Variants in ADAMTSL1 observed in about 807,000 individuals in gnomAD.
ADAMTSL1 encodes ADAMTS-like protein 1.
A neutral mutation model predicts 201.8 loss-of-function variants in ADAMTSL1; 126 were observed. The ratio of observed to expected loss-of-function variants is 0.62; its 90% CI spans 0.54 to 0.72. The LOEUF (loss-of-function observed/expected upper bound fraction) is 0.72. ADAMTSL1 is among the 30% of genes least tolerant of loss of function. ADAMTSL1 has a pLI of 0.00. For missense variants in ADAMTSL1, 2,679 were observed against 2,277.8 expected (o/e 1.18, Z -3.59); for synonymous variants, 1,121 against 903.4 (o/e 1.24, Z -4.32).
chr9:18,359,248 T>A (rs905632815), intron 2 of ADAMTSL1, among the ~76,000 whole-genome samples: 2 of 152,288 alleles, frequency 1.3e-5, no homozygotes, highest in South Asian at 4.1e-4. Context: ...CTTCCCTCTA[T>A]CGGGGCCCTT....
At chr9:18,032,016 T>G (rs936533249) in intron 1 of ADAMTSL1, among the ~76,000 whole-genome samples, 11 of 152,216 alleles carry the variant, frequency 7.2e-5, no homozygotes, top group Non-Finnish European at 1.6e-4. Flanking sequence ...CTTTTCAGAC[T>G]GGGTCTCCTT....
chr9:18,820,628 A>G (rs934470), intron 21 of ADAMTSL1, among the ~76,000 whole-genome samples: 67,503 of 152,066 alleles, frequency 0.44, 15,460 homozygotes, highest in East Asian at 0.74. Context: ...TACCTAGACC[A>G]ACTCACATGT....
rs1165154617 is a variant in ADAMTSL1, at chr9:18,254,351, T to C, written c.207+90370T>C. Among the ~76,000 whole-genome samples the C allele has an allele frequency of 1.1e-4, 7 of 62,586 alleles. No individual in the cohort carries two copies. In the South Asian group the frequency reaches 4.7e-3, roughly 42 times the overall value. 41.1% of individuals were successfully genotyped at this position (62,586 alleles called of 152,430 possible). A position where few individuals can be genotyped will look rare whatever the true frequency, so the allele number is the denominator to read the frequency against. ...ACCGTCAATACTCTTTTTGGTTTTT[T>C]TTTTTTTTTTTTTTTTTTTTTTTTT... On this transcript the variant is annotated intron_variant, in intron 2 of 29. Transcript: ENST00000680146.
chr9:18,314,711 G>A (rs952224746), intron 2 of ADAMTSL1, among the ~76,000 whole-genome samples: 2 of 144,874 alleles, frequency 1.4e-5, no homozygotes, highest in Admixed American at 7.2e-5. Context: ...ATCTCGAAGA[G>A]CAAAAGAACA....
chr9:18,825,818 T>C (rs922528827), intron 21 of ADAMTSL1, among the ~76,000 whole-genome samples: 38 of 152,320 alleles, frequency 2.5e-4, no homozygotes, highest in African/African-American at 8.2e-4. Context: ...GTATGTACTC[T>C]TGTGTCTGCC....
At chr9:18,798,951 G>T (rs909599057) in intron 20 of ADAMTSL1, among the ~76,000 whole-genome samples, 1 of 152,094 alleles carries the variant, frequency 6.6e-6, no homozygotes, top group Non-Finnish European at 1.5e-5. Context: ...TGTGCCTTTT[G>T]CTCCTCTCTA....
At position 18,133,672 on chromosome 9, in the gene ADAMTSL1, C is replaced by CAA. The variant is rs1168021314; in HGVS notation, c.88-30190_88-30189insAA. 6.5e-3 allele frequency among the ~76,000 whole-genome samples: 986 copies of CAA among 152,216 alleles called. 7 individuals are homozygous for CAA. Among genetic ancestry groups the CAA allele is most frequent in the African/African-American group, 0.023 (936 of 41,532 alleles). On this transcript the variant is annotated intron_variant, in intron 1 of 29. Transcript: ENST00000680146. ...CAGGAACCTGCATTCACACCCAGGT[C>CAA]CCTATGGCTTCAGAACCCAAATTCT... is the stretch of plus-strand genomic sequence containing the variant.
At position 18,454,766 on chromosome 9, in the gene ADAMTSL1, T is replaced by C. The variant is rs901806113; in HGVS notation, c.208-50063T>C. On this transcript the variant is annotated intron_variant, in intron 2 of 29. Coordinates refer to the ADAMTSL1 transcript ENST00000680146. ...CTAATGTGAATTTAAATTTTTATTG[T>C]GTTTTGTAATATAATTATTTTATAT... 3.9e-5 allele frequency among the ~76,000 whole-genome samples: 6 copies of C among 152,356 alleles called. No homozygotes were observed. In the East Asian group the frequency reaches 1.2e-3, roughly 29 times the overall value.
intron 15 of ADAMTSL1, among the ~76,000 whole-genome samples, chr9:18,746,389 C>G (rs1223076777): frequency 6.6e-6 from 1 of 152,162 alleles, no homozygotes; most frequent in East Asian, 1.9e-4. Context: ...CTGTCCACCT[C>G]CCGACCTCAG....
At chr9:18,578,425 T>C (rs1822878105) in intron 4 of ADAMTSL1, among the ~76,000 whole-genome samples, 1 of 152,176 alleles carries the variant, frequency 6.6e-6, no homozygotes, top group Non-Finnish European at 1.5e-5. Flanking sequence ...CTCACTATCA[T>C]TCTAGACTAG....
At chr9:18,721,428 G>A in intron 14 of ADAMTSL1, 108 bp from the exon 15 acceptor site, 2 of 1,464,820 alleles carry the variant, frequency 1.4e-6, no homozygotes, top group South Asian at 2.7e-5. Context: ...TACAGCGAGA[G>A]TCCTACAGAA....
At chr9:18,186,039 G>C (rs1828717757) in intron 2 of ADAMTSL1, among the ~76,000 whole-genome samples, 1 of 152,168 alleles carries the variant, frequency 6.6e-6, no homozygotes, top group Non-Finnish European at 1.5e-5. Flanking sequence ...TTATAGAATA[G>C]TAAGTAAATA....
intron 20 of ADAMTSL1, among the ~76,000 whole-genome samples, chr9:18,807,371 G>A (rs988259683): frequency 3.3e-5 from 5 of 152,180 alleles, no homozygotes; most frequent in South Asian, 4.1e-4. Context: ...CAGGCCGGGC[G>A]CGGTAGCTCA....
chr9:18,620,064 T>C (rs943791137), intron 4 of ADAMTSL1, among the ~76,000 whole-genome samples: 12 of 145,114 alleles, frequency 8.3e-5, no homozygotes, highest in Non-Finnish European at 1.8e-4. Context: ...TTGCTTCCTC[T>C]CCAATTAGTT....
intron 4 of ADAMTSL1, among the ~76,000 whole-genome samples, chr9:18,580,604 C>T (rs1823035140): frequency 6.6e-6 from 1 of 152,124 alleles, no homozygotes; most frequent in Admixed American, 6.5e-5. Context: ...GTTTCTGAAT[C>T]TTGTTTATGC....
chr9:18,870,757 G>A (rs147504585), intron 23 of ADAMTSL1, among the ~76,000 whole-genome samples: 1 of 151,992 alleles, frequency 6.6e-6, no homozygotes, highest in Non-Finnish European at 1.5e-5. Flanking sequence ...ACTGTTTTTG[G>A]TAATTCTTCA....
intron 19 of ADAMTSL1, among the ~76,000 whole-genome samples, chr9:18,782,602 G>C (rs949409092): frequency 1.3e-5 from 2 of 152,182 alleles, no homozygotes; most frequent in Admixed American, 6.5e-5. Flanking sequence ...CAAATGAATG[G>C]AGCAAGGCAA....
intron 5 of ADAMTSL1, among the ~76,000 whole-genome samples, chr9:18,624,050 G>A (rs1023225186): frequency 6.6e-6 from 1 of 152,174 alleles, no homozygotes; most frequent in Non-Finnish European, 1.5e-5. Flanking sequence ...CAAAGGATTA[G>A]CCTCGAGGTA....
At chr9:18,563,924 C>T (rs1309828026) in intron 3 of ADAMTSL1, among the ~76,000 whole-genome samples, 1 of 152,200 alleles carries the variant, frequency 6.6e-6, no homozygotes, top group Non-Finnish European at 1.5e-5. Flanking sequence ...GAATTTCAAG[C>T]CAGTGGATCT....
Sources: gnomAD v4.1 joint callset for allele counts (sites outside exome capture counted in the v4.1 genomes callset) on GRCh38, gnomAD v4.1.1 for gene constraint, MANE v1.5 for transcripts, NCBI Gene and HGNC (gene_info 2026-07-23, HGNC 2026-07-21) for gene names.